Variants in AP3B1 observed in about 807,000 individuals in gnomAD.
AP3B1 encodes adaptor related protein complex 3 subunit beta 1.
Under a neutral mutation model 132.5 loss-of-function variants are expected in AP3B1, and 61 were observed. That is an observed-to-expected ratio of 0.46 (90% confidence interval 0.37 to 0.57). AP3B1 has a LOEUF of 0.57. Ranked by LOEUF, AP3B1 falls within the 20% of genes least tolerant of loss-of-function variation. The probability of loss-of-function intolerance (pLI) is 0.00; values close to 1 mark genes in which losing one functional copy is unlikely to be tolerated. For synonymous variants in AP3B1, 388 were observed against 438.3 expected, an observed-to-expected ratio of 0.89 and a Z score of 1.43; for missense variants, 1,120 against 1,289.4, an observed-to-expected ratio of 0.87 and a Z score of 2.01.
chr5:78,206,659 T>C (rs113269589), intron 7 of AP3B1, among the ~76,000 whole-genome samples: 2,142 of 151,786 alleles, frequency 0.014, 58 homozygotes, highest in African/African-American at 0.049. Context: ...TGATAAACTA[T>C]AGAATAAAGG....
At chr5:78,278,628 G>GAAAAAAA (rs1561217286) in intron 1 of AP3B1, among the ~76,000 whole-genome samples, 26 of 42,644 alleles carry the variant, frequency 6.1e-4, no homozygotes, top group African/African-American at 2.0e-3. Flanking sequence ...AAAAAAAAGG[G>GAAAAAAA]GGGGGGGGAC....
At chr5:78,012,843 G>C (rs1216543109) in intron 26 of AP3B1, among the ~76,000 whole-genome samples, 1 of 152,176 alleles carries the variant, frequency 6.6e-6, no homozygotes, top group Admixed American at 6.5e-5. Flanking sequence ...TATTAGCATG[G>C]ACAATTGAGA....
At chr5:78,040,026 G>C (rs528767077) in intron 22 of AP3B1, among the ~76,000 whole-genome samples, 2 of 151,866 alleles carry the variant, frequency 1.3e-5, no homozygotes, top group East Asian at 1.9e-4. Flanking sequence ...ATGAACGTCT[G>C]GACCTTCATT....
intron 20 of AP3B1, among the ~76,000 whole-genome samples, chr5:78,104,175 A>G (rs534711484): frequency 9.2e-5 from 14 of 152,312 alleles, no homozygotes; most frequent in Non-Finnish European, 1.9e-4. Context: ...AATATTTTCA[A>G]TTAGAATTAT....
At chr5:78,122,323 C>A (rs1752247422) in intron 17 of AP3B1, among the ~76,000 whole-genome samples, 2 of 152,188 alleles carry the variant, frequency 1.3e-5, no homozygotes, top group African/African-American at 4.8e-5. Context: ...TCCTATTCAA[C>A]ATAGGGTTGG....
intron 22 of AP3B1, among the ~76,000 whole-genome samples, chr5:78,082,561 C>T (rs957593848): frequency 1.4e-4 from 21 of 152,078 alleles, no homozygotes; most frequent in Non-Finnish European, 7.4e-5. Flanking sequence ...CGGAAGTTTA[C>T]GCAAGTCAAA....
intron 17 of AP3B1, among the ~76,000 whole-genome samples, chr5:78,123,912 G>A (rs1752344728): frequency 6.6e-6 from 1 of 151,938 alleles, no homozygotes; most frequent in Non-Finnish European, 1.5e-5. Flanking sequence ...TGTTTATTGC[G>A]GCACTATTCA....
chr5:78,246,727 G>A (rs1273654898), intron 2 of AP3B1, among the ~76,000 whole-genome samples: 1 of 152,002 alleles, frequency 6.6e-6, no homozygotes, highest in African/African-American at 2.4e-5. Flanking sequence ...TGGTCACTCT[G>A]TCTACAGGTT....
At chr5:78,004,887 G>A (rs1486158603) in intron 26 of AP3B1, among the ~76,000 whole-genome samples, 4 of 152,136 alleles carry the variant, frequency 2.6e-5, no homozygotes, top group African/African-American at 9.7e-5. Flanking sequence ...ACATCCATCT[G>A]CTTTTCAGAC....
At chr5:78,276,409 C>T (rs1476864201) in intron 1 of AP3B1, among the ~76,000 whole-genome samples, 2 of 152,164 alleles carry the variant, frequency 1.3e-5, no homozygotes, top group Non-Finnish European at 2.9e-5. Flanking sequence ...CATTTCATAA[C>T]TTGTGGGATG....
chr5:78,010,125 G>A (rs188238708), intron 26 of AP3B1, among the ~76,000 whole-genome samples: 17 of 152,282 alleles, frequency 1.1e-4, no homozygotes, highest in East Asian at 5.8e-4. Flanking sequence ...ATGTACTCCC[G>A]TAATGGACAA....
intron 21 of AP3B1, among the ~76,000 whole-genome samples, chr5:78,096,518 A>T (rs1189093704): frequency 6.9e-6 from 1 of 144,552 alleles, no homozygotes; most frequent in Non-Finnish European, 1.5e-5. Flanking sequence ...CCCAGTCTGG[A>T]AAGTGAGGAG....
intron 22 of AP3B1, among the ~76,000 whole-genome samples, chr5:78,078,852 A>G (rs566708880): frequency 8.5e-4 from 130 of 152,362 alleles, no homozygotes; most frequent in South Asian, 2.9e-3. Context: ...AAATTAAGCT[A>G]TAATAAAGCC....
At chr5:78,197,045 T>C (rs1236780039) in intron 7 of AP3B1, among the ~76,000 whole-genome samples, 3 of 152,180 alleles carry the variant, frequency 2.0e-5, no homozygotes, top group African/African-American at 2.4e-5. Flanking sequence ...AATATTAATG[T>C]AAATTCATTG....
intron 7 of AP3B1, among the ~76,000 whole-genome samples, chr5:78,207,884 C>T (rs1408651105): frequency 6.6e-6 from 1 of 152,106 alleles, no homozygotes; most frequent in Non-Finnish European, 1.5e-5. Flanking sequence ...ATACAAGAAA[C>T]AATAAACCAT....
chr5:78,010,139 ACT>A (rs1746558448), intron 26 of AP3B1, among the ~76,000 whole-genome samples: 1 of 152,256 alleles, frequency 6.6e-6, no homozygotes, highest in Non-Finnish European at 1.5e-5. Context: ...TGGACAATAC[ACT>A]GTCTTGCTGG....
intron 8 of AP3B1, among the ~76,000 whole-genome samples, chr5:78,179,087 A>C (rs1045607391): frequency 6.6e-6 from 1 of 152,202 alleles, no homozygotes; most frequent in Non-Finnish European, 1.5e-5. Flanking sequence ...GTTACAAAAT[A>C]AACTCTCCTG....
At chr5:78,062,915 C>T (rs755914214) in intron 22 of AP3B1, among the ~76,000 whole-genome samples, 25 of 152,102 alleles carry the variant, frequency 1.6e-4, no homozygotes, top group Non-Finnish European at 3.1e-4. Flanking sequence ...ATGATGGGCC[C>T]CACTCAATGT....
intron 17 of AP3B1, among the ~76,000 whole-genome samples, chr5:78,124,091 C>T (rs1752356477): frequency 6.6e-6 from 1 of 152,036 alleles, no homozygotes; most frequent in Non-Finnish European, 1.5e-5. Flanking sequence ...AGCAAACTAT[C>T]ACAAGGACAA....
Sources: allele counts gnomAD v4.1 joint callset (sites outside exome capture counted in the v4.1 genomes callset), GRCh38; gene constraint gnomAD v4.1.1; transcripts MANE v1.5; gene names NCBI Gene and HGNC (gene_info 2026-07-23, HGNC 2026-07-21).